Variants in JAKMIP1 observed in about 807,000 individuals in gnomAD.
JAKMIP1 encodes janus kinase and microtubule interacting protein 1, also known as janus kinase and microtubule-interacting protein 1.
JAKMIP1 carries 33 observed loss-of-function variants against 113.0 expected under a neutral mutation model. That is an observed-to-expected ratio of 0.29 (90% confidence interval 0.22 to 0.39). JAKMIP1 has a LOEUF of 0.39. Ranked by LOEUF, JAKMIP1 falls within the 10% of genes least tolerant of loss-of-function variation. The pLI is 1.00. For synonymous variants in JAKMIP1, 480 were observed against 459.9 expected (o/e 1.04, Z -0.56); for missense variants, 813 against 1,080.5 (o/e 0.75, Z 3.47).
intron 1 of JAKMIP1, among the ~76,000 whole-genome samples, chr4:6,174,833 C>G (rs561388693): frequency 6.6e-6 from 1 of 151,434 alleles, no homozygotes; most frequent in Non-Finnish European, 1.5e-5. Flanking sequence ...TTCCTTCTGT[C>G]GCCCCAACTG....
chr4:6,087,604 C>A (rs964337634), intron 3 of JAKMIP1, among the ~76,000 whole-genome samples: 1 of 152,150 alleles, frequency 6.6e-6, no homozygotes, highest in African/African-American at 2.4e-5. Context: ...CAGCCACATA[C>A]CACGGTGCTA....
rs1375976794 is a variant in JAKMIP1 at position 6,176,680 on chromosome 4, A to G, written c.-148+23573T>C. Among the ~76,000 whole-genome samples, 1 of 152,208 alleles carries G rather than the reference A, an allele frequency of 6.6e-6. No homozygotes were observed. ...TCACCCAAGGTTCCACTGAACATGC[A>G]AAAGGACCCAGGATTTGCCAGCCTG... is the stretch of plus-strand genomic sequence containing the variant. On this transcript the variant is annotated intron_variant, in intron 1 of 20. Coordinates refer to ENST00000409021, the MANE Select transcript of JAKMIP1 (RefSeq NM_001099433.2). The surrounding 1 kb of genome is among the most constrained non-coding windows in gnomAD (Gnocchi z 5.5).
At position 6,155,367 on chromosome 4, in the gene JAKMIP1, T is replaced by C. The variant is rs1035781245; in HGVS notation, c.-147-42370A>G. 3.9e-4 allele frequency among the ~76,000 whole-genome samples: 60 copies of C among 152,174 alleles called. No homozygotes were observed. The highest frequency in any genetic ancestry group is 1.4e-3 in the African/African-American group (58 of 41,448). ...CGTCAGCTCTGCTCCAAGCACTTTA[T>C]ATTTAACCCTCAAGAGAACCCTAAA... On this transcript the variant is annotated intron_variant, in intron 1 of 20. Transcript: ENST00000409021. This position sits in a 1 kb window ranked among gnomAD's most constrained non-coding sequence, Gnocchi z 6.1.
At chr4:6,198,969 T>A (rs1316750454) in intron 1 of JAKMIP1, among the ~76,000 whole-genome samples, 1 of 152,216 alleles carries the variant, frequency 6.6e-6, no homozygotes, top group African/African-American at 2.4e-5. Context: ...AGGCTGCCCC[T>A]GCCCTCCTCC....
Position 6,180,255 on chromosome 4 carries a change from A to G in JAKMIP1, c.-148+19998T>C, listed in dbSNP as rs776135886. Among the ~76,000 whole-genome samples, 5 of 152,178 alleles carry G rather than the reference A, an allele frequency of 3.3e-5. No individual in the cohort carries two copies. The highest frequency in any genetic ancestry group is 6.5e-5 in the Admixed American group (1 of 15,268). ...AGAAATAATTTCTGATAAAATTGCTACTCGTAACATTCAGAACCCACAAAA... is the reference window on the plus strand; with the variant it reads ...AGAAATAATTTCTGATAAAATTGCTGCTCGTAACATTCAGAACCCACAAAA... On this transcript the variant is annotated intron_variant, in intron 1 of 20. Transcript: ENST00000409021. The surrounding 1 kb of genome is among the most constrained non-coding windows in gnomAD (Gnocchi z 4.5).
At chr4:6,056,555 C>T in intron 12 of JAKMIP1, 142 bp downstream of exon 12, 3 of 676,182 alleles carry the variant, frequency 4.4e-6, no homozygotes, top group South Asian at 3.3e-5. Context: ...AGACATCTCT[C>T]CTCATGGGAG....
intron 20 of JAKMIP1, among the ~76,000 whole-genome samples, chr4:6,026,866 ATTTT>A (rs370379960): frequency 7.1e-6 from 1 of 140,688 alleles, no homozygotes; most frequent in Admixed American, 7.1e-5. Context: ...ATTTCTTTGC[ATTTT>A]TTTTTTTTTT....
At position 6,058,673 on chromosome 4, in the gene JAKMIP1, C is replaced by A. The variant is rs1484196381; in HGVS notation, c.1644+1751G>T. ...AATGCATAAGGAATAAATATCCCTG[C>A]TTTTCTTTGCTCAATGTGCTCTCGT... On this transcript the variant is annotated intron_variant, in intron 11 of 20. Coordinates refer to ENST00000409021, the MANE Select transcript of JAKMIP1 (RefSeq NM_001099433.2). Among the ~76,000 whole-genome samples, 3 of 152,254 alleles carry A rather than the reference C, an allele frequency of 2.0e-5. No homozygotes were observed. In the East Asian group the frequency reaches 5.8e-4, roughly 29 times the overall value.
chr4:6,080,216 G>C lies in JAKMIP1; in HGVS notation c.1198C>G (p.Leu400Val). The change falls in exon 7 of 21, where the codon CTG becomes GTG. Residue 400 changes from leucine (L) to valine (V), a missense_variant. Leu to Val is a conservative substitution (Grantham distance 32). Coordinates refer to ENST00000409021, the MANE Select transcript of JAKMIP1 (RefSeq NM_001099433.2). The surrounding 1 kb of genome is among the most constrained non-coding windows in gnomAD (Gnocchi z 6.0). Reference protein sequence around the residue: ...RDEQEIEFLRLQVLEQQHVID... With the variant: ...RDEQEIEFLRVQVLEQQHVID... ...ACGTGCTGCTGCTCCAGCACCTGCA[G>C]CCTCAGGAACTCGATCTCCTGCTCA... 8 of 1,614,004 alleles carry C rather than the reference G, an allele frequency of 5.0e-6. No individual in the cohort carries two copies. The highest frequency in any genetic ancestry group is 6.8e-6 in the Non-Finnish European group (8 of 1,179,962).
chr4:6,064,868 A>C lies in JAKMIP1; in HGVS notation c.1431+12T>G. Reference sequence around the variant, plus strand: ...TGGGGTGAGGTCCCGCCCTCTCTGCAGGTTTGCTTACATCGTCCAAGTCTT... The same window carrying C: ...TGGGGTGAGGTCCCGCCCTCTCTGCCGGTTTGCTTACATCGTCCAAGTCTT... On this transcript the variant is annotated intron_variant, in intron 9 of 20. Transcript: ENST00000409021. The surrounding 1 kb of genome is among the most constrained non-coding windows in gnomAD (Gnocchi z 4.3). 1 of 1,613,864 alleles carries C rather than the reference A, an allele frequency of 6.2e-7. No homozygotes were observed. The highest frequency in any genetic ancestry group is 1.7e-4 in the Middle Eastern group (1 of 5,930).
chr4:6,064,963 C>T lies in JAKMIP1; in HGVS notation c.1348G>A (p.Asp450Asn). 2 of 1,614,124 alleles carry T rather than the reference C, an allele frequency of 1.2e-6. No individual in the cohort carries two copies. The highest frequency in any genetic ancestry group is 2.2e-5 in the East Asian group (1 of 44,870). ...GATGTTTCGGACAACGTTTCTGAGTCCACAGACTCCTCATCAAATCCAAAA... is the reference window on the plus strand; with the variant it reads ...GATGTTTCGGACAACGTTTCTGAGTTCACAGACTCCTCATCAAATCCAAAA... ...TFFGFDEESV[D>N]SETLSETSYN... is the part of the protein sequence containing the mutation. The change falls in exon 9 of 21, where the codon GAC (aspartate) becomes AAC (asparagine). Residue 450 changes from aspartate to asparagine, a missense_variant. Around this residue, in one of 2 missense-constraint regions of JAKMIP1, gnomAD observed 540 missense variants for 653.9 expected, o/e 0.83. Transcript: ENST00000409021. This position sits in a 1 kb window ranked among gnomAD's most constrained non-coding sequence, Gnocchi z 4.3.
rs1717337108 is a variant in JAKMIP1, at chr4:6,061,932, G to A, written c.1560+380C>T. 6.6e-6 allele frequency among the ~76,000 whole-genome samples: 1 copy of A among 152,198 alleles called. No individual in the cohort carries two copies. The highest frequency in any genetic ancestry group is 1.5e-5 in the Non-Finnish European group (1 of 68,046). On this transcript the variant is annotated intron_variant, in intron 10 of 20. Coordinates refer to ENST00000409021, the MANE Select transcript of JAKMIP1 (RefSeq NM_001099433.2). This position sits in a 1 kb window ranked among gnomAD's most constrained non-coding sequence, Gnocchi z 5.3. The stretch of plus-strand genomic sequence containing the variant: ...GGGAGCACCCTGAGAGTCCCTGCAA[G>A]TGTTCTGGTGGATGTCCTGGAGGGC...
At position 6,112,872 on chromosome 4, in the gene JAKMIP1, C is replaced by A. The variant is rs766090171; in HGVS notation, c.-22G>T. ...ACATGCTTCCCCTTGGGTCAGAGTG[C>A]TGAGATCCTGCGGTCCACACCTGTT... is the stretch of plus-strand genomic sequence containing the variant. On this transcript the variant is annotated 5_prime_UTR_variant, in exon 2 of 21. Coordinates refer to ENST00000409021, the MANE Select transcript of JAKMIP1 (RefSeq NM_001099433.2). 3 of 1,611,488 alleles carry A rather than the reference C, an allele frequency of 1.9e-6. No homozygotes were observed. The highest frequency in any genetic ancestry group is 2.5e-6 in the Non-Finnish European group (3 of 1,179,148).
chr4:6,164,059 A>G (rs1457161891), intron 1 of JAKMIP1, among the ~76,000 whole-genome samples: 1 of 152,262 alleles, frequency 6.6e-6, no homozygotes, highest in South Asian at 2.1e-4. Context: ...AGCTAACATC[A>G]TTCATGAAGG....
chr4:6,054,426 T>C (rs1560115166), intron 12 of JAKMIP1, among the ~76,000 whole-genome samples: 1 of 152,152 alleles, frequency 6.6e-6, no homozygotes, highest in African/African-American at 2.4e-5. Context: ...ACATATTTGC[T>C]GAATAAATGA....
intron 1 of JAKMIP1, among the ~76,000 whole-genome samples, chr4:6,152,092 C>A (rs528558481): frequency 6.1e-5 from 9 of 148,006 alleles, no homozygotes; most frequent in African/African-American, 2.0e-4. Flanking sequence ...AAGAAAGAGA[C>A]AGGGGAAGGA....
Position 6,181,808 on chromosome 4 carries a change from C to T in JAKMIP1, c.-148+18445G>A, listed in dbSNP as rs549817960. Among the ~76,000 whole-genome samples the T allele has an allele frequency of 9.2e-5, 14 of 152,280 alleles. No homozygotes were observed. In the East Asian group the frequency reaches 2.3e-3, roughly 25 times the overall value. On this transcript the variant is annotated intron_variant, in intron 1 of 20. Transcript: ENST00000409021. This position sits in a 1 kb window ranked among gnomAD's most constrained non-coding sequence, Gnocchi z 5.4. ...TCACACAGCCCCTTCCCTCACAGAG[C>T]TCTAGCCAGCGGGGAAGAAGACTGT...
Position 6,060,409 on chromosome 4 carries a change from A to G in JAKMIP1, c.1644+15T>C. 6.3e-7 allele frequency: 1 copy of G among 1,595,830 alleles called. No individual in the cohort carries two copies. Among genetic ancestry groups the G allele is most frequent in the Non-Finnish European group, 8.6e-7 (1 of 1,163,266 alleles). ...AAAGGCTAAGATTCACAGAGCACAG[A>G]TCACTCCTGCTCACCTGTCCCTTCT... On this transcript the variant is annotated intron_variant, in intron 11 of 20. Coordinates refer to ENST00000409021, the MANE Select transcript of JAKMIP1 (RefSeq NM_001099433.2).
intron 1 of JAKMIP1, among the ~76,000 whole-genome samples, chr4:6,132,470 C>T (rs879684123): frequency 6.6e-6 from 1 of 151,796 alleles, no homozygotes; most frequent in Non-Finnish European, 1.5e-5. Context: ...GGTGAAACCC[C>T]GTCTCTACTA....
Sources: gnomAD v4.1 joint callset for allele counts (sites outside exome capture counted in the v4.1 genomes callset) on GRCh38, gnomAD v4.1.1 for gene constraint, gnomAD v4.1.1 regional missense constraint, Gnocchi (gnomAD v3.1) non-coding constraint, MANE v1.5 for transcripts, NCBI Gene and HGNC (gene_info 2026-07-23, HGNC 2026-07-21) for gene names.